SDK1: variants seen among roughly 807,000 people sequenced by gnomAD.
SDK1 encodes sidekick cell adhesion molecule 1.
A neutral mutation model predicts 245.5 loss-of-function variants in SDK1; 157 were observed. That is an observed-to-expected ratio of 0.64 (90% CI 0.56 to 0.73). SDK1 has a LOEUF of 0.73. SDK1 is among the 30% of genes least tolerant of loss of function. SDK1 has a pLI of 0.00. For missense variants in SDK1, 3,583 were observed against 3,002.3 expected (o/e 1.19, Z -4.52); for synonymous variants, 1,647 against 1,278.5 (o/e 1.29, Z -6.15).
At chr7:3,681,486 T>C (rs746540489) in intron 4 of SDK1, among the ~76,000 whole-genome samples, 3 of 152,210 alleles carry the variant, frequency 2.0e-5, no homozygotes, top group Non-Finnish European at 2.9e-5. Flanking sequence ...AATTACTGGG[T>C]CATAAAGGTA....
chr7:4,240,738 G>A (rs747095851), intron 42 of SDK1, among the ~76,000 whole-genome samples: 11 of 152,144 alleles, frequency 7.2e-5, no homozygotes, highest in Admixed American at 1.3e-4. Context: ...ATATGTACAT[G>A]GGCCTGAGAA....
intron 4 of SDK1, among the ~76,000 whole-genome samples, chr7:3,785,155 C>G (rs1780860464): frequency 6.6e-6 from 1 of 152,076 alleles, no homozygotes; most frequent in South Asian, 2.1e-4. Context: ...GAAACAATAA[C>G]TCATAGCAGC....
intron 4 of SDK1, among the ~76,000 whole-genome samples, chr7:3,686,266 G>A (rs1562370749): frequency 6.6e-6 from 1 of 152,070 alleles, no homozygotes. Context: ...AGTAGAGACG[G>A]GGTTTCACCA....
chr7:3,913,376 C>T (rs971129094), intron 5 of SDK1, among the ~76,000 whole-genome samples: 1 of 151,616 alleles, frequency 6.6e-6, no homozygotes, highest in Non-Finnish European at 1.5e-5. Flanking sequence ...TCACTGCAAC[C>T]TCCGCCTCCC....
At chr7:4,183,656 A>G (rs902644885) in intron 35 of SDK1, among the ~76,000 whole-genome samples, 6 of 151,974 alleles carry the variant, frequency 3.9e-5, no homozygotes, top group South Asian at 4.2e-4. Flanking sequence ...AAAAAAAAAA[A>G]AAAGAAAGTA....
rs865831434 is a variant in SDK1 at position 4,139,573 on chromosome 7, G to A, written c.4229-6149G>A. Among the ~76,000 whole-genome samples, 71 of 24,210 alleles carry A rather than the reference G, an allele frequency of 2.9e-3. 5 individuals are homozygous for A. The highest frequency in any genetic ancestry group is 7.6e-3 in the African/African-American group (39 of 5,130). The allele number at this position is 24,210 out of a possible 152,430, so 15.9% of individuals were successfully genotyped here. ...TGTATATGTATATATGTGTGTATATGTGTGTGTGTATGTGTGTGTATATGT... is the reference window on the plus strand; with the variant it reads ...TGTATATGTATATATGTGTGTATATATGTGTGTGTATGTGTGTGTATATGT... On this transcript the variant is annotated intron_variant, in intron 28 of 44. Transcript: ENST00000404826.
At chr7:4,229,676 C>A (rs1395496756) in intron 40 of SDK1, among the ~76,000 whole-genome samples, 1 of 152,172 alleles carries the variant, frequency 6.6e-6, no homozygotes, top group Admixed American at 6.5e-5. Flanking sequence ...CTTCTCAGAA[C>A]AGTCTGAAGA....
chr7:3,528,578 T>C (rs903031720), intron 1 of SDK1, among the ~76,000 whole-genome samples: 3 of 152,110 alleles, frequency 2.0e-5, no homozygotes, highest in African/African-American at 7.2e-5. Flanking sequence ...GAATCAACCA[T>C]AGGATTGCAA....
chr7:3,611,259 A>G (rs921304890), intron 1 of SDK1, among the ~76,000 whole-genome samples: 2 of 152,154 alleles, frequency 1.3e-5, no homozygotes, highest in African/African-American at 4.8e-5. Flanking sequence ...AAGCCTGGGA[A>G]TTTGCTGTGA....
At chr7:3,788,755 T>C (rs966140100) in intron 4 of SDK1, among the ~76,000 whole-genome samples, 3 of 152,206 alleles carry the variant, frequency 2.0e-5, no homozygotes, top group Non-Finnish European at 4.4e-5. Flanking sequence ...AAGCTTGCTT[T>C]AAGTCATTTG....
At chr7:3,501,788 T>G (rs1347982371) in intron 1 of SDK1, among the ~76,000 whole-genome samples, 1 of 152,212 alleles carries the variant, frequency 6.6e-6, no homozygotes, top group Non-Finnish European at 1.5e-5. Context: ...GGACTATCAG[T>G]ATGTTCTCAC....
intron 13 of SDK1, among the ~76,000 whole-genome samples, chr7:3,980,505 G>A (rs988370329): frequency 2.6e-5 from 4 of 152,206 alleles, no homozygotes; most frequent in African/African-American, 9.7e-5. Flanking sequence ...AGCTGGCAGA[G>A]TAATGCTTCG....
intron 20 of SDK1, among the ~76,000 whole-genome samples, chr7:4,072,266 C>T (rs889405853): frequency 2.6e-5 from 4 of 152,218 alleles, no homozygotes; most frequent in Admixed American, 2.6e-4. Context: ...AGCAAAGTTG[C>T]AGTGAGAGCA....
At chr7:4,246,624 C>T (rs1786877777) in intron 44 of SDK1, among the ~76,000 whole-genome samples, 1 of 152,158 alleles carries the variant, frequency 6.6e-6, no homozygotes, top group Admixed American at 6.5e-5. Flanking sequence ...TCTGTCCTAG[C>T]TCCCTCCCTT....
chr7:3,779,938 CA>C (rs34979965), intron 4 of SDK1, among the ~76,000 whole-genome samples: 1,290 of 46,654 alleles, frequency 0.028, 4 homozygotes, highest in African/African-American at 0.073. Context: ...GACTCCGTCT[CA>C]AAAAAAAAAA....
intron 21 of SDK1, among the ~76,000 whole-genome samples, chr7:4,079,180 G>C (rs1481267267): frequency 6.6e-6 from 1 of 152,176 alleles, no homozygotes; most frequent in Non-Finnish European, 1.5e-5. Context: ...GTACAGAGAT[G>C]CGTAAGACAT....
At chr7:3,592,794 C>T (rs1254293311) in intron 1 of SDK1, among the ~76,000 whole-genome samples, 1 of 152,180 alleles carries the variant, frequency 6.6e-6, no homozygotes, top group African/African-American at 2.4e-5. Context: ...GATTGCCACA[C>T]CTTAACATAT....
chr7:4,220,201 C>G lies in SDK1; in HGVS notation c.5632C>G (p.Arg1878Gly), dbSNP rs763370088. The change falls in exon 39 of 45, where the codon CGT becomes GGT. Residue 1878 changes from arginine (R) to glycine (G), a missense_variant. Arg to Gly is a moderately radical substitution (Grantham distance 125). Transcript: ENST00000404826. The stretch of plus-strand genomic sequence containing the variant: ...CACCAAGGGAGTGACCTATTTCTTC[C>G]GTGTCCAAGCGCGGACCATCACCTA... The part of the protein sequence containing the change: ...DLTKGVTYFF[R>G]VQARTITYGP... 6.2e-7 allele frequency: 1 copy of G among 1,614,052 alleles called. No homozygotes were observed. The highest frequency in any genetic ancestry group is 8.5e-7 in the Non-Finnish European group (1 of 1,180,018).
intron 4 of SDK1, among the ~76,000 whole-genome samples, chr7:3,644,935 G>T (rs1387343355): frequency 2.6e-5 from 4 of 151,876 alleles, no homozygotes; most frequent in African/African-American, 9.7e-5. Flanking sequence ...ACCAGGGATG[G>T]GGGGAGTTAG....
Sources: allele counts gnomAD v4.1 joint callset (sites outside exome capture counted in the v4.1 genomes callset), GRCh38; gene constraint gnomAD v4.1.1; transcripts MANE v1.5; gene names NCBI Gene and HGNC (gene_info 2026-07-23, HGNC 2026-07-21).